CAB39: variants seen among roughly 807,000 people sequenced by gnomAD.
The protein encoded by CAB39 is calcium-binding protein 39.
CAB39 carries 8 observed loss-of-function variants against 40.0 expected under a neutral mutation model. That is an observed-to-expected ratio of 0.20 (90% CI 0.12 to 0.36). The LOEUF is 0.36. Among genes scored for constraint, CAB39 ranks in the 10% least tolerant of loss-of-function variants. The probability of loss-of-function intolerance (pLI) is 1.00; values close to 1 mark genes in which losing one functional copy is unlikely to be tolerated. For missense variants in CAB39, 270 were observed against 401.1 expected (o/e 0.67, Z 2.79); for synonymous variants, 156 against 141.6 (o/e 1.10, Z -0.72).
At chr2:230,736,793 G>A (rs1694794998) in intron 1 of CAB39, among the ~76,000 whole-genome samples, 1 of 152,120 alleles carries the variant, frequency 6.6e-6, no homozygotes, top group African/African-American at 2.4e-5. Context: ...CAAGTTTAAG[G>A]TATCTTAGTA....
In CAB39 at chr2:230,713,049, C is replaced by T. The variant is rs2124837000; in HGVS notation, c.-225C>T. ...GCGGGAGCCCCTGGGCAGCCGTCCGCCCGCGCAGCCGCCGCCGCCGCGGGA... is the reference window on the plus strand; with the variant it reads ...GCGGGAGCCCCTGGGCAGCCGTCCGTCCGCGCAGCCGCCGCCGCCGCGGGA... On this transcript the variant is annotated 5_prime_UTR_variant, in exon 1 of 9. Transcript: ENST00000258418. 1 of 150,998 alleles carries T rather than the reference C, an allele frequency of 6.6e-6. No individual in the cohort carries two copies. Among genetic ancestry groups the T allele is most frequent in the Admixed American group, 6.6e-5 (1 of 15,150 alleles). 9.4% of individuals were successfully genotyped at this position (150,998 alleles called of 1,614,324 possible).
chr2:230,760,820 T>C (rs921902829), intron 2 of CAB39, among the ~76,000 whole-genome samples: 2 of 152,208 alleles, frequency 1.3e-5, no homozygotes, highest in African/African-American at 4.8e-5. Flanking sequence ...ACTCCCTAAA[T>C]TGTTTATGAT....
At chr2:230,745,019 C>G (rs1694948038) in intron 1 of CAB39, among the ~76,000 whole-genome samples, 1 of 152,204 alleles carries the variant, frequency 6.6e-6, no homozygotes. Context: ...TTTGACATTT[C>G]TCATTTACTA....
intron 1 of CAB39, among the ~76,000 whole-genome samples, chr2:230,754,939 T>A (rs1695164266): frequency 6.6e-6 from 1 of 152,224 alleles, no homozygotes; most frequent in South Asian, 2.1e-4. Context: ...CATTATGATG[T>A]TTGGTTTTCC....
intron 5 of CAB39, among the ~76,000 whole-genome samples, chr2:230,806,994 A>G (rs148606750): frequency 1.5e-3 from 225 of 152,278 alleles, no homozygotes; most frequent in African/African-American, 4.7e-3. Context: ...TTGGCTGCTT[A>G]GTCTGCTGGA....
At chr2:230,796,023 A>G (rs1695980419) in intron 4 of CAB39, among the ~76,000 whole-genome samples, 1 of 151,806 alleles carries the variant, frequency 6.6e-6, no homozygotes, top group African/African-American at 2.4e-5. Flanking sequence ...GCCCTTGGGA[A>G]CTCCTTCAAG....
intron 1 of CAB39, among the ~76,000 whole-genome samples, chr2:230,716,296 C>T (rs1308796842): frequency 6.6e-6 from 1 of 152,104 alleles, no homozygotes; most frequent in East Asian, 1.9e-4. Flanking sequence ...TCTTTATTAC[C>T]TTGGAATATT....
intron 1 of CAB39, among the ~76,000 whole-genome samples, chr2:230,716,654 A>G (rs1324064271): frequency 6.6e-6 from 1 of 152,178 alleles, no homozygotes; most frequent in Non-Finnish European, 1.5e-5. Flanking sequence ...CTCCTGCCCC[A>G]GCCTCCCAAA....
chr2:230,767,829 G>C (rs1302559290), intron 2 of CAB39, among the ~76,000 whole-genome samples: 1 of 152,088 alleles, frequency 6.6e-6, no homozygotes, highest in East Asian at 1.9e-4. Context: ...GGAGACCTTT[G>C]CATTTGGCTT....
intron 5 of CAB39, among the ~76,000 whole-genome samples, chr2:230,808,622 T>A: frequency 6.6e-6 from 1 of 152,170 alleles, no homozygotes; most frequent in South Asian, 2.1e-4. Context: ...AACTCTTGAG[T>A]GTACTCAGAA....
intron 2 of CAB39, among the ~76,000 whole-genome samples, chr2:230,784,905 C>G (rs920925273): frequency 6.6e-6 from 1 of 152,128 alleles, no homozygotes; most frequent in Non-Finnish European, 1.5e-5. Flanking sequence ...TTTCCATTGG[C>G]TGGGATAGGA....
At chr2:230,758,587 G>A (rs73093009) in intron 1 of CAB39, among the ~76,000 whole-genome samples, 7,119 of 152,136 alleles carry the variant, frequency 0.047, 361 homozygotes, top group African/African-American at 0.12. Flanking sequence ...CAAACTTAAG[G>A]GAAAAACACT....
At chr2:230,783,835 C>G (rs1695741182) in intron 2 of CAB39, among the ~76,000 whole-genome samples, 3 of 152,206 alleles carry the variant, frequency 2.0e-5, no homozygotes, top group Admixed American at 1.3e-4. Context: ...CCCTTGACTT[C>G]ATGGTATGAT....
chr2:230,752,786 G>A (rs780157932), intron 1 of CAB39, among the ~76,000 whole-genome samples: 5 of 152,204 alleles, frequency 3.3e-5, no homozygotes, highest in Middle Eastern at 6.3e-3. Flanking sequence ...GACTGAAATC[G>A]TGAACTGAAT....
intron 2 of CAB39, among the ~76,000 whole-genome samples, chr2:230,787,126 C>T (rs570124740): frequency 1.3e-5 from 2 of 152,182 alleles, no homozygotes; most frequent in Non-Finnish European, 2.9e-5. Context: ...TGCATTTTCT[C>T]ATGGTCAGGA....
chr2:230,809,022 G>GC (rs1696254717), intron 5 of CAB39, among the ~76,000 whole-genome samples: 1 of 152,206 alleles, frequency 6.6e-6, no homozygotes, highest in Non-Finnish European at 1.5e-5. Flanking sequence ...CCACAAACCA[G>GC]TGTAGAGTCA....
chr2:230,742,376 C>T (rs1455697954), intron 1 of CAB39, among the ~76,000 whole-genome samples: 3 of 152,048 alleles, frequency 2.0e-5, no homozygotes, highest in Non-Finnish European at 2.9e-5. Context: ...GGGGTTTCAC[C>T]GTGTTAGCCA....
At chr2:230,786,333 C>G (rs1695793291) in intron 2 of CAB39, among the ~76,000 whole-genome samples, 1 of 143,990 alleles carries the variant, frequency 6.9e-6, no homozygotes, top group Admixed American at 6.9e-5. Context: ...ATGTTCCTGT[C>G]TCTCTCTTTC....
chr2:230,815,487 T>C (rs528300398), intron 7 of CAB39, among the ~76,000 whole-genome samples: 1 of 152,310 alleles, frequency 6.6e-6, no homozygotes, highest in South Asian at 2.1e-4. Context: ...CCAGCAGTTA[T>C]ACAGATGCAC....
Sources: gnomAD v4.1 joint callset for allele counts (sites outside exome capture counted in the v4.1 genomes callset) on GRCh38, gnomAD v4.1.1 for gene constraint, MANE v1.5 for transcripts, NCBI Gene and HGNC (gene_info 2026-07-23, HGNC 2026-07-21) for gene names.